Variants in GRID2 observed in about 807,000 individuals in gnomAD.
The protein encoded by GRID2 is glutamate receptor ionotropic, delta-2.
A neutral mutation model predicts 114.8 loss-of-function variants in GRID2; 33 were observed. The observed-to-expected ratio is 0.29, with a 90% CI of 0.22 to 0.38. The LOEUF (loss-of-function observed/expected upper bound fraction) is 0.38, where lower values mean the gene tolerates loss of function less well. Ranked by LOEUF, GRID2 falls within the 10% of genes least tolerant of loss-of-function variation. The pLI is 1.00. For missense variants in GRID2, 1,184 were observed against 1,257.7 expected (o/e 0.94, Z 0.89); for synonymous variants, 505 against 449.9 (o/e 1.12, Z -1.55).
At chr4:93,016,248 G>A (rs1722699331) in intron 2 of GRID2, among the ~76,000 whole-genome samples, 1 of 152,070 alleles carries the variant, frequency 6.6e-6, no homozygotes, top group Non-Finnish European at 1.5e-5. Context: ...TCATTAAATA[G>A]GGAAGGATGT....
At chr4:93,719,585 A>G (rs547068893) in intron 14 of GRID2, among the ~76,000 whole-genome samples, 1 of 152,334 alleles carries the variant, frequency 6.6e-6, no homozygotes, top group Admixed American at 6.5e-5. Context: ...ATGAAAAATT[A>G]CAAGGCATCA....
chr4:92,526,544 A>G (rs912505331), intron 1 of GRID2, among the ~76,000 whole-genome samples: 32 of 152,040 alleles, frequency 2.1e-4, no homozygotes, highest in African/African-American at 7.5e-4. Context: ...GGGTTTCACC[A>G]TGTTGGCCAG....
chr4:93,670,883 C>A (rs751128359), intron 14 of GRID2, among the ~76,000 whole-genome samples: 1 of 152,208 alleles, frequency 6.6e-6, no homozygotes, highest in Non-Finnish European at 1.5e-5. Flanking sequence ...GAATCTGATT[C>A]TTTCGGGAAG....
intron 8 of GRID2, among the ~76,000 whole-genome samples, chr4:93,315,768 CCTATA>C (rs1414450686): frequency 6.6e-6 from 1 of 152,098 alleles, no homozygotes; most frequent in Non-Finnish European, 1.5e-5. Flanking sequence ...TACATACTCT[CCTATA>C]CTAAGTGTTA....
intron 1 of GRID2, among the ~76,000 whole-genome samples, chr4:92,482,099 A>G (rs1350668565): frequency 1.4e-5 from 2 of 145,278 alleles, no homozygotes; most frequent in African/African-American, 5.0e-5. Flanking sequence ...ATATATATCT[A>G]TATTTATATA....
At chr4:92,306,211 A>G (rs1725398278) in intron 1 of GRID2, among the ~76,000 whole-genome samples, 1 of 152,178 alleles carries the variant, frequency 6.6e-6, no homozygotes, top group Non-Finnish European at 1.5e-5. Context: ...GCCATTCTCT[A>G]TCATTTATAT....
intron 12 of GRID2, among the ~76,000 whole-genome samples, chr4:93,505,275 G>T (rs899941552): frequency 6.6e-6 from 1 of 151,958 alleles, no homozygotes; most frequent in Admixed American, 6.6e-5. Context: ...AGTCCTTCCT[G>T]AATTTTCAAG....
intron 1 of GRID2, among the ~76,000 whole-genome samples, chr4:92,339,850 T>C (rs1727384547): frequency 6.6e-6 from 1 of 152,224 alleles, no homozygotes; most frequent in Non-Finnish European, 1.5e-5. Flanking sequence ...ATGAGCTGCT[T>C]ATCTGGTTTC....
chr4:92,722,898 G>A (rs900179914), intron 2 of GRID2, among the ~76,000 whole-genome samples: 1 of 151,330 alleles, frequency 6.6e-6, no homozygotes, highest in African/African-American at 2.5e-5. Context: ...TAATAGAAAA[G>A]GATCTCAAAC....
intron 3 of GRID2, among the ~76,000 whole-genome samples, chr4:93,088,584 G>A (rs182894630): frequency 1.3e-5 from 2 of 152,166 alleles, no homozygotes; most frequent in Admixed American, 1.3e-4. Context: ...TCTTGATTAT[G>A]GAAGTTAATA....
At chr4:93,664,859 C>A (rs1023460624) in intron 14 of GRID2, among the ~76,000 whole-genome samples, 1 of 151,896 alleles carries the variant, frequency 6.6e-6, no homozygotes, top group African/African-American at 2.4e-5. Flanking sequence ...GAGAATTCAA[C>A]AAAAGAAGAG....
At chr4:93,049,995 G>C (rs1402703177) in intron 2 of GRID2, among the ~76,000 whole-genome samples, 1 of 152,002 alleles carries the variant, frequency 6.6e-6, no homozygotes, top group African/African-American at 2.4e-5. Flanking sequence ...TTATATTAAA[G>C]AGCATTCTTC....
At chr4:92,394,417 C>A (rs1023293631) in intron 1 of GRID2, among the ~76,000 whole-genome samples, 1 of 151,958 alleles carries the variant, frequency 6.6e-6, no homozygotes, top group Admixed American at 6.6e-5. Context: ...CAACTAATAT[C>A]ATTCATTAAT....
At chr4:92,849,659 C>A (rs2149420782) in intron 2 of GRID2, among the ~76,000 whole-genome samples, 1 of 151,946 alleles carries the variant, frequency 6.6e-6, no homozygotes, top group African/African-American at 2.4e-5. Context: ...GCTTATTAAG[C>A]AATCTTTATT....
At chr4:92,905,928 T>C (rs1368427951) in intron 2 of GRID2, among the ~76,000 whole-genome samples, 1 of 152,142 alleles carries the variant, frequency 6.6e-6, no homozygotes, top group Non-Finnish European at 1.5e-5. Flanking sequence ...TATAATTAAG[T>C]CTTAATATGC....
chr4:93,566,792 A>C (rs1735465098), intron 13 of GRID2, among the ~76,000 whole-genome samples: 1 of 152,080 alleles, frequency 6.6e-6, no homozygotes, highest in Non-Finnish European at 1.5e-5. Flanking sequence ...AAATGTCAAA[A>C]AAAAAACTCA....
intron 1 of GRID2, among the ~76,000 whole-genome samples, chr4:92,452,496 A>G (rs960582927): frequency 1.9e-4 from 29 of 151,888 alleles, no homozygotes; most frequent in Non-Finnish European, 2.9e-5. Context: ...TTGTATTCTT[A>G]GTAGAGATGG....
rs371657577 is a variant in GRID2, at chr4:92,535,744, G to A, written c.89-54387G>A. 5.1e-4 allele frequency among the ~76,000 whole-genome samples: 77 copies of A among 152,256 alleles called. No homozygotes were observed. The South Asian group carries it at 0.014, about 27-fold the overall frequency. ...GTTCCTTCAGTGGGTTCTTGGTCTC[G>A]CTAACTTCAAGAATGAAGCCACGGA... is the stretch of plus-strand genomic sequence containing the variant. On this transcript the variant is annotated intron_variant, in intron 1 of 15. Transcript: ENST00000282020.
At chr4:92,369,461 A>G (rs1729018047) in intron 1 of GRID2, among the ~76,000 whole-genome samples, 1 of 152,168 alleles carries the variant, frequency 6.6e-6, no homozygotes, top group African/African-American at 2.4e-5. Flanking sequence ...TTTTAATCAG[A>G]TGCTCTGGGC....
Sources: allele counts gnomAD v4.1 joint callset (sites outside exome capture counted in the v4.1 genomes callset), GRCh38; gene constraint gnomAD v4.1.1; transcripts MANE v1.5; gene names NCBI Gene and HGNC (gene_info 2026-07-23, HGNC 2026-07-21).